Variants in EDIL3 observed in about 807,000 individuals in gnomAD.
EDIL3 encodes EGF-like repeat and discoidin I-like domain-containing protein 3.
A neutral mutation model predicts 67.4 loss-of-function variants in EDIL3; 37 were observed. The observed-to-expected ratio is 0.55, with a 90% CI of 0.42 to 0.72. EDIL3 has a LOEUF of 0.72. Among genes scored for constraint, EDIL3 ranks in the 30% least tolerant of loss-of-function variants. The probability of loss-of-function intolerance (pLI) is 0.00; values close to 1 mark genes in which losing one functional copy is unlikely to be tolerated. For synonymous variants in EDIL3, 195 were observed against 196.3 expected, an observed-to-expected ratio of 0.99 and a Z score of 0.05; for missense variants, 527 against 586.3, an observed-to-expected ratio of 0.90 and a Z score of 1.04.
intron 1 of EDIL3, among the ~76,000 whole-genome samples, chr5:84,384,063 G>A (rs557812615): frequency 6.6e-6 from 1 of 152,092 alleles, no homozygotes; most frequent in South Asian, 2.1e-4. Context: ...GCTCCCCACC[G>A]TCCTCCTCTT....
intron 9 of EDIL3, among the ~76,000 whole-genome samples, chr5:83,987,273 T>A (rs1324150297): frequency 6.6e-6 from 1 of 152,146 alleles, no homozygotes; most frequent in Non-Finnish European, 1.5e-5. Flanking sequence ...TGTTTCAACC[T>A]CAAATAACAT....
intron 5 of EDIL3, among the ~76,000 whole-genome samples, chr5:84,133,931 A>G (rs887990682): frequency 6.6e-6 from 1 of 152,052 alleles, no homozygotes; most frequent in Non-Finnish European, 1.5e-5. Context: ...ACTCCCCTAT[A>G]AGTATAATTA....
At chr5:84,057,379 C>A (rs1746466329) in intron 9 of EDIL3, among the ~76,000 whole-genome samples, 1 of 145,658 alleles carries the variant, frequency 6.9e-6, no homozygotes, top group Admixed American at 7.0e-5. Context: ...AGTCTACCAA[C>A]CTCCTGAGCT....
intron 6 of EDIL3, among the ~76,000 whole-genome samples, chr5:84,081,249 G>A (rs767983202): frequency 1.3e-5 from 2 of 152,130 alleles, no homozygotes; most frequent in Non-Finnish European, 2.9e-5. Flanking sequence ...AGCTGTTAGA[G>A]TTTCTTCACA....
chr5:84,200,587 T>C (rs1361500500), intron 3 of EDIL3, among the ~76,000 whole-genome samples: 5 of 152,088 alleles, frequency 3.3e-5, no homozygotes, highest in East Asian at 3.8e-4. Context: ...CATTATTTTA[T>C]ATAACACATC....
chr5:84,079,987 T>TA (rs1430496006), intron 6 of EDIL3, among the ~76,000 whole-genome samples: 2 of 151,230 alleles, frequency 1.3e-5, no homozygotes, highest in Admixed American at 6.6e-5. Context: ...TGTTTAAGGA[T>TA]AAAAAGAGTA....
intron 9 of EDIL3, among the ~76,000 whole-genome samples, chr5:83,982,096 A>C (rs1285031783): frequency 6.6e-6 from 1 of 152,118 alleles, no homozygotes; most frequent in East Asian, 1.9e-4. Context: ...TTACCAAAAA[A>C]AATCTAACAC....
intron 2 of EDIL3, among the ~76,000 whole-genome samples, chr5:84,237,194 A>T (rs1257554297): frequency 6.6e-6 from 1 of 152,098 alleles, no homozygotes; most frequent in African/African-American, 2.4e-5. Context: ...TTCAACCTCA[A>T]TTCATTTCCC....
At chr5:84,356,220 A>T (rs2112195512) in intron 1 of EDIL3, among the ~76,000 whole-genome samples, 1 of 152,354 alleles carries the variant, frequency 6.6e-6, no homozygotes, top group South Asian at 2.1e-4. Context: ...CACCACTATT[A>T]TGTCTTTTAA....
intron 5 of EDIL3, among the ~76,000 whole-genome samples, chr5:84,132,301 T>C (rs1235926201): frequency 3.2e-5 from 3 of 95,076 alleles, no homozygotes; most frequent in Non-Finnish European, 6.1e-5. Context: ...ATATTTTATA[T>C]ATAATATATA....
At chr5:84,013,169 A>T (rs1180070504) in intron 9 of EDIL3, among the ~76,000 whole-genome samples, 1 of 151,984 alleles carries the variant, frequency 6.6e-6, no homozygotes, top group South Asian at 2.1e-4. Flanking sequence ...CCATTTTTAA[A>T]TAATCATATA....
chr5:84,371,319 G>GTATATATATATATATATATATATATATA (rs71607709), intron 1 of EDIL3, among the ~76,000 whole-genome samples: 8 of 115,504 alleles, frequency 6.9e-5, no homozygotes, highest in South Asian at 2.8e-4. Flanking sequence ...TAGATAAAAA[G>GTATATATATATATATATATATATATATA]TATATATATA....
At chr5:84,143,229 C>G (rs1748235218) in intron 4 of EDIL3, among the ~76,000 whole-genome samples, 1 of 151,946 alleles carries the variant, frequency 6.6e-6, no homozygotes, top group African/African-American at 2.4e-5. Flanking sequence ...CTTCTGTGAC[C>G]AGTTTAGTAT....
At chr5:83,972,672 G>A (rs73771555) in intron 9 of EDIL3, among the ~76,000 whole-genome samples, 3,814 of 151,988 alleles carry the variant, frequency 0.025, 125 homozygotes, top group South Asian at 0.094. Flanking sequence ...CCATGTATAC[G>A]AATGAAAGTC....
At chr5:84,050,122 C>A (rs539855572) in intron 9 of EDIL3, among the ~76,000 whole-genome samples, 83 of 146,044 alleles carry the variant, frequency 5.7e-4, no homozygotes, top group African/African-American at 2.0e-3. Flanking sequence ...GGTGTGAACC[C>A]GGGAGGCGGA....
At chr5:84,066,666 A>T in intron 6 of EDIL3, 60 bp from the exon 7 acceptor site, 1 of 1,557,250 alleles carries the variant, frequency 6.4e-7, no homozygotes, top group South Asian at 1.3e-5. Context: ...AATACTGAAA[A>T]TACGAATTTT....
At chr5:84,312,253 C>G (rs1460256123) in intron 1 of EDIL3, among the ~76,000 whole-genome samples, 3 of 145,792 alleles carry the variant, frequency 2.1e-5, no homozygotes, top group Admixed American at 2.0e-4. Flanking sequence ...CCCCCACCTC[C>G]CTCCCGGACG....
At chr5:84,353,361 T>G (rs1306887539) in intron 1 of EDIL3, among the ~76,000 whole-genome samples, 1 of 152,186 alleles carries the variant, frequency 6.6e-6, no homozygotes, top group Non-Finnish European at 1.5e-5. Context: ...TTATTTCATG[T>G]GTGACATCGA....
At chr5:84,218,640 C>T (rs144169229) in intron 3 of EDIL3, among the ~76,000 whole-genome samples, 7 of 152,296 alleles carry the variant, frequency 4.6e-5, no homozygotes, top group Non-Finnish European at 7.4e-5. Context: ...GGCTCTTGGA[C>T]GGTGTTTCTT....
Sources: gnomAD v4.1 joint callset for allele counts (sites outside exome capture counted in the v4.1 genomes callset) on GRCh38, gnomAD v4.1.1 for gene constraint, MANE v1.5 for transcripts, NCBI Gene and HGNC (gene_info 2026-07-23, HGNC 2026-07-21) for gene names.